The following KREMEN1 variants were observed in gnomAD, a reference collection of about 807,000 sequenced individuals.
The protein encoded by KREMEN1 is kremen protein 1.
In KREMEN1, 30 loss-of-function variants were observed where a neutral mutation model predicts 46.5. The observed-to-expected ratio is 0.65, with a 90% confidence interval of 0.48 to 0.88. The LOEUF is 0.88. Ranked by LOEUF, KREMEN1 falls within the 40% of genes least tolerant of loss-of-function variation. The pLI is 0.00. For missense variants in KREMEN1, 533 were observed against 596.9 expected, an observed-to-expected ratio of 0.89 and a Z score of 1.11; for synonymous variants, 214 against 230.6, an observed-to-expected ratio of 0.93 and a Z score of 0.65.
At chr22:29,107,926 A>G (rs1293512058) in intron 3 of KREMEN1, among the ~76,000 whole-genome samples, 1 of 152,182 alleles carries the variant, frequency 6.6e-6, no homozygotes, top group Non-Finnish European at 1.5e-5. Context: ...GCCACTGAAA[A>G]AAGCCATATA....
chr22:29,096,749 G>C (rs1332618507), intron 2 of KREMEN1, among the ~76,000 whole-genome samples: 2 of 151,324 alleles, frequency 1.3e-5, no homozygotes, highest in East Asian at 3.9e-4. Flanking sequence ...TTTTGACATT[G>C]ATAATAAACA....
chr22:29,146,491 C>T lies in KREMEN1; in HGVS notation c.*4379C>T, dbSNP rs1351452414. ...GGTCTTTAGACACAAAGACTGGAGG[C>T]CCTTCCCCGCCCGCACGGGAGCTGC... On this transcript the variant is annotated 3_prime_UTR_variant, in exon 9 of 9. Coordinates refer to ENST00000400335, the MANE Select transcript of KREMEN1 (RefSeq NM_001039570.3). 1.0e-6 allele frequency: 1 copy of T among 985,520 alleles called. No homozygotes were observed. The highest frequency in any genetic ancestry group is 1.2e-6 in the Non-Finnish European group (1 of 829,944). 61.0% of individuals were successfully genotyped at this position (985,520 alleles called of 1,614,324 possible).
chr22:29,153,022 GT>G (rs2038929156), intron 9 of KREMEN1, among the ~76,000 whole-genome samples: 1 of 152,232 alleles, frequency 6.6e-6, no homozygotes, highest in Non-Finnish European at 1.5e-5. Context: ...TGGGAAAGGG[GT>G]GGGGAGTTCC....
intron 3 of KREMEN1, among the ~76,000 whole-genome samples, chr22:29,115,468 A>G (rs977613707): frequency 1.3e-5 from 2 of 151,740 alleles, no homozygotes; most frequent in African/African-American, 2.4e-5. Flanking sequence ...ACCATTATCC[A>G]CTCATTCCAT....
At chr22:29,116,344 G>T (rs945872232) in intron 3 of KREMEN1, among the ~76,000 whole-genome samples, 1 of 152,200 alleles carries the variant, frequency 6.6e-6, no homozygotes, top group Non-Finnish European at 1.5e-5. Flanking sequence ...ATGTGATATT[G>T]TAGGAGGTAG....
Position 29,121,444 on chromosome 22 carries a change from A to T in KREMEN1, c.440A>T (p.Gln147Leu). 1.2e-6 allele frequency: 2 copies of T among 1,614,122 alleles called. No homozygotes were observed. Among genetic ancestry groups the T allele is most frequent in the Non-Finnish European group, 1.7e-6 (2 of 1,179,996 alleles). ...AAAACGTCCAACAAACTCACCATAC[A>T]AACTTGCATCAGTTTTTGTCGGAGT... Reference protein sequence around the residue: ...TSKTSNKLTIQTCISFCRSQR... With the variant: ...TSKTSNKLTILTCISFCRSQR... The change falls in exon 4 of 9, where the codon CAA becomes CTA. Residue 147 changes from glutamine to leucine, a missense_variant. Physicochemically the swap from Gln to Leu is moderately radical, Grantham distance 113. Coordinates refer to ENST00000400335, the MANE Select transcript of KREMEN1 (RefSeq NM_001039570.3).
intron 4 of KREMEN1, among the ~76,000 whole-genome samples, chr22:29,121,940 AAAAC>A (rs2038363523): frequency 6.6e-6 from 1 of 152,244 alleles, no homozygotes; most frequent in African/African-American, 2.4e-5. Context: ...ATTGGACACA[AAAAC>A]AAATCATTTT....
chr22:29,122,869 C>T (rs554671967), intron 4 of KREMEN1, among the ~76,000 whole-genome samples: 8 of 130,768 alleles, frequency 6.1e-5, no homozygotes, highest in Non-Finnish European at 9.3e-5. Context: ...ACACAGGAGG[C>T]GGAGGTTGCT....
At position 29,073,100 on chromosome 22, in the gene KREMEN1, G is replaced by C; in HGVS notation, c.-31G>C. Reference sequence around the variant, plus strand: ...CCCCGCGCTGCCCCCTTTACCCCGGGCCGCGCCCCGGGGCCCCGCACTGAC... The same window carrying C: ...CCCCGCGCTGCCCCCTTTACCCCGGCCCGCGCCCCGGGGCCCCGCACTGAC... On this transcript the variant is annotated 5_prime_UTR_variant, in exon 1 of 9. Transcript: ENST00000400335. The surrounding 1 kb of genome is among the most constrained non-coding windows in gnomAD (Gnocchi z 4.4). 1 of 811,036 alleles carries C rather than the reference G, an allele frequency of 1.2e-6. No individual in the cohort carries two copies. The highest frequency in any genetic ancestry group is 1.9e-5 in the African/African-American group (1 of 53,012). The allele number at this position is 811,036 out of a possible 1,614,324, so 50.2% of individuals were successfully genotyped here.
At chr22:29,112,919 A>C (rs1601780169) in intron 3 of KREMEN1, among the ~76,000 whole-genome samples, 2 of 143,718 alleles carry the variant, frequency 1.4e-5, no homozygotes, top group African/African-American at 5.3e-5. Context: ...CTCCGACTAG[A>C]CTTCGAGCCA....
At chr22:29,085,592 TCCTA>T (rs2037716224) in intron 1 of KREMEN1, among the ~76,000 whole-genome samples, 1 of 152,168 alleles carries the variant, frequency 6.6e-6, no homozygotes. Context: ...GTAATGTGAG[TCCTA>T]AATCTCTATT....
intron 9 of KREMEN1, among the ~76,000 whole-genome samples, chr22:29,164,740 C>G (rs1249748665): frequency 1.8e-5 from 2 of 111,738 alleles, no homozygotes; most frequent in Non-Finnish European, 3.6e-5. Flanking sequence ...GAGTGAAACT[C>G]CATCTCAAAA....
chr22:29,115,645 A>G (rs1292724298), intron 3 of KREMEN1, among the ~76,000 whole-genome samples: 2 of 152,180 alleles, frequency 1.3e-5, no homozygotes, highest in Non-Finnish European at 2.9e-5. Context: ...ACAAGTAAAC[A>G]GGTGTTCAGA....
At position 29,097,258 on chromosome 22, in the gene KREMEN1, C is replaced by T. The variant is rs1336127774; in HGVS notation, c.261-1604C>T. ...GGGCTTGGAAAGCGGTGAAGAGAGGCGAGCCTTTTCTGTGTGTCCAGTAGC... is the reference window on the plus strand; with the variant it reads ...GGGCTTGGAAAGCGGTGAAGAGAGGTGAGCCTTTTCTGTGTGTCCAGTAGC... On this transcript the variant is annotated intron_variant, in intron 2 of 8. Coordinates refer to ENST00000400335, the MANE Select transcript of KREMEN1 (RefSeq NM_001039570.3). 7.2e-5 allele frequency among the ~76,000 whole-genome samples: 11 copies of T among 152,168 alleles called. No individual in the cohort carries two copies. In the South Asian group the frequency reaches 8.3e-4, roughly 11 times the overall value.
chr22:29,106,461 C>T (rs2038061797), intron 3 of KREMEN1, among the ~76,000 whole-genome samples: 1 of 151,794 alleles, frequency 6.6e-6, no homozygotes, highest in Admixed American at 6.6e-5. Context: ...AATCTCCTGA[C>T]CTCGTGATCC....
Position 29,125,271 on chromosome 22 carries a change from G to A in KREMEN1, c.486G>A (p.Gly162=), listed in dbSNP as rs1013258588. 2 of 1,614,004 alleles carry A rather than the reference G, an allele frequency of 1.2e-6. No homozygotes were observed. Among genetic ancestry groups the A allele is most frequent in the South Asian group, 1.1e-5 (1 of 91,082 alleles). Residue 162 remains glycine, a synonymous_variant, in exon 5 of 9, where the codon GGG becomes GGA. Transcript: ENST00000400335. ...FCRSQRFKFA[G]MESGYACFCG... is the part of the protein sequence containing the mutation. ...CTTCTCTGTTGTGGCAGTTTGCTGG[G>A]ATGGAGTCAGGCTATGCTTGCTTCT...
At chr22:29,162,116 C>CA (rs916172669) in intron 9 of KREMEN1, among the ~76,000 whole-genome samples, 1,441 of 118,626 alleles carry the variant, frequency 0.012, 23 homozygotes, top group African/African-American at 0.039. Context: ...GACTCTACCT[C>CA]AAAAAAAAAA....
intron 8 of KREMEN1, among the ~76,000 whole-genome samples, chr22:29,141,261 A>ATGTG (rs144907162): frequency 6.8e-6 from 1 of 146,454 alleles, no homozygotes; most frequent in African/African-American, 2.6e-5. Flanking sequence ...CTGCATGTGC[A>ATGTG]TGTGTGTGTG....
chr22:29,089,466 G>C (rs931543672), intron 1 of KREMEN1, among the ~76,000 whole-genome samples: 19 of 152,186 alleles, frequency 1.2e-4, no homozygotes, highest in African/African-American at 4.1e-4. Flanking sequence ...TGCCAGCCTA[G>C]TCCAGGCCAT....
Sources: allele counts gnomAD v4.1 joint callset (sites outside exome capture counted in the v4.1 genomes callset), GRCh38; gene constraint gnomAD v4.1.1; non-coding constraint Gnocchi (gnomAD v3.1); transcripts MANE v1.5; gene names NCBI Gene and HGNC (gene_info 2026-07-23, HGNC 2026-07-21).